DCBLD2: variants seen among roughly 807,000 people sequenced by gnomAD.
DCBLD2 encodes discoidin, CUB and LCCL domain-containing protein 2.
In DCBLD2, 54 loss-of-function variants were observed where a neutral mutation model predicts 86.8. The ratio of observed to expected loss-of-function variants is 0.62; its 90% CI spans 0.50 to 0.78. The LOEUF is 0.78. Ranked by LOEUF, DCBLD2 falls within the 30% of genes least tolerant of loss-of-function variation. DCBLD2 has a pLI of 0.00. For synonymous variants in DCBLD2, 354 were observed against 341.3 expected (o/e 1.04, Z -0.41); for missense variants, 908 against 954.2 (o/e 0.95, Z 0.64).
chr3:98,897,210 T>C (rs984475594), intron 1 of DCBLD2, among the ~76,000 whole-genome samples: 2 of 152,202 alleles, frequency 1.3e-5, no homozygotes, highest in Admixed American at 1.3e-4. Flanking sequence ...AAATAATATG[T>C]TCTTTTTGTT....
intron 3 of DCBLD2, among the ~76,000 whole-genome samples, chr3:98,834,970 C>CTT (rs778620627): frequency 2.1e-4 from 28 of 134,498 alleles, no homozygotes; most frequent in African/African-American, 3.7e-4. Context: ...CTTGCACATT[C>CTT]TTTTTTTTTT....
chr3:98,892,974 A>G (rs1399581385), intron 1 of DCBLD2, among the ~76,000 whole-genome samples: 9 of 152,148 alleles, frequency 5.9e-5, no homozygotes, highest in African/African-American at 2.2e-4. Flanking sequence ...CACAGAACTC[A>G]CATTAAGATT....
At chr3:98,877,101 T>C in intron 2 of DCBLD2, among the ~76,000 whole-genome samples, 1 of 152,202 alleles carries the variant, frequency 6.6e-6, no homozygotes, top group East Asian at 1.9e-4. Context: ...ATGTCACTTA[T>C]CTACCTTTTT....
chr3:98,856,130 C>T (rs1358022197), intron 2 of DCBLD2, among the ~76,000 whole-genome samples: 2 of 152,160 alleles, frequency 1.3e-5, no homozygotes, highest in African/African-American at 4.8e-5. Flanking sequence ...ATATACTCTT[C>T]ACTACTTAGG....
intron 2 of DCBLD2, among the ~76,000 whole-genome samples, chr3:98,877,778 A>C (rs1943396171): frequency 6.6e-6 from 1 of 152,192 alleles, no homozygotes; most frequent in Admixed American, 6.5e-5. Flanking sequence ...CAGGGCAATC[A>C]CAAGATAAAC....
intron 3 of DCBLD2, among the ~76,000 whole-genome samples, chr3:98,829,191 A>C (rs1383435196): frequency 2.6e-5 from 4 of 152,086 alleles, no homozygotes; most frequent in Admixed American, 1.3e-4. Flanking sequence ...TACGGGGTAC[A>C]TGTGTAGGTT....
At chr3:98,801,374 G>A in intron 14 of DCBLD2, 1 of 457,504 alleles carries the variant, frequency 2.2e-6, no homozygotes, top group Non-Finnish European at 3.9e-6. Flanking sequence ...AGAAGAAAAA[G>A]AACAGAGCTT....
intron 2 of DCBLD2, among the ~76,000 whole-genome samples, chr3:98,859,769 G>T (rs1036474431): frequency 3.3e-5 from 5 of 152,108 alleles, no homozygotes; most frequent in Non-Finnish European, 7.4e-5. Flanking sequence ...CCACAAAGAT[G>T]GGGAAAAAAC....
chr3:98,859,889 G>T (rs1049274635), intron 2 of DCBLD2, among the ~76,000 whole-genome samples: 2 of 152,238 alleles, frequency 1.3e-5, no homozygotes, highest in Non-Finnish European at 2.9e-5. Context: ...ACTTTGACGA[G>T]TTGAGAGAAG....
chr3:98,894,874 A>C (rs1359774869), intron 1 of DCBLD2, among the ~76,000 whole-genome samples: 1 of 152,094 alleles, frequency 6.6e-6, no homozygotes, highest in Non-Finnish European at 1.5e-5. Context: ...AAAATGAATA[A>C]AACTCTCTCC....
chr3:98,848,140 A>C (rs1369595197), intron 3 of DCBLD2, among the ~76,000 whole-genome samples: 2 of 152,040 alleles, frequency 1.3e-5, no homozygotes, highest in Non-Finnish European at 2.9e-5. Context: ...CCCTCCCAAA[A>C]GCCCCAGTGT....
intron 3 of DCBLD2, chr3:98,849,243 T>C (rs1335788568): frequency 3.6e-6 from 2 of 552,456 alleles, no homozygotes; most frequent in East Asian, 3.1e-5. Context: ...TTCAGCAGTA[T>C]TTCCTTTACT....
Position 98,799,604 on chromosome 3 carries a change from G to A in DCBLD2, c.2096C>T (p.Ser699Phe). The A allele has an allele frequency of 6.2e-7, 1 of 1,614,030 alleles. No individual in the cohort carries two copies. Among genetic ancestry groups the A allele is most frequent in the Non-Finnish European group, 8.5e-7 (1 of 1,179,896 alleles). The change falls in exon 16 of 16, where the codon TCC (serine) becomes TTC (phenylalanine). Residue 699 changes from serine (S) to phenylalanine (F), a missense_variant. Coordinates refer to ENST00000326840, the MANE Select transcript of DCBLD2 (RefSeq NM_080927.4). ...TTGGTTCCCCGTAGCCTTGAAAGTG[G>A]ATGTGGAGGGCTGACCAACTGAAGT... Reference protein sequence around the residue: ...PTTSVGQPSTSTFKATGNQPP... With the variant: ...PTTSVGQPSTFTFKATGNQPP...
intron 2 of DCBLD2, among the ~76,000 whole-genome samples, chr3:98,863,523 C>A (rs547546416): frequency 6.6e-6 from 1 of 152,118 alleles, no homozygotes; most frequent in Non-Finnish European, 1.5e-5. Context: ...AGATATAGAC[C>A]AATGGAACAG....
At chr3:98,839,113 C>CTTTCTTTCTT (rs1942557159) in intron 3 of DCBLD2, among the ~76,000 whole-genome samples, 1 of 105,052 alleles carries the variant, frequency 9.5e-6, no homozygotes, top group Non-Finnish European at 2.1e-5. Context: ...TTCTTTCTTT[C>CTTTCTTTCTT]TTTCTTTTTC....
intron 1 of DCBLD2, among the ~76,000 whole-genome samples, chr3:98,896,857 T>C (rs1559803852): frequency 6.6e-6 from 1 of 152,192 alleles, no homozygotes; most frequent in Non-Finnish European, 1.5e-5. Context: ...TTCCTCATCC[T>C]TCTACTGTTG....
intron 2 of DCBLD2, among the ~76,000 whole-genome samples, chr3:98,870,119 C>T (rs981506798): frequency 1.2e-4 from 17 of 146,854 alleles, no homozygotes; most frequent in East Asian, 1.9e-4. Flanking sequence ...TTTTTGTAGA[C>T]GGTGAGAGAT....
chr3:98,823,277 T>A (rs1206557071), intron 4 of DCBLD2, among the ~76,000 whole-genome samples: 1 of 152,234 alleles, frequency 6.6e-6, no homozygotes, highest in African/African-American at 2.4e-5. Context: ...TATTACATAC[T>A]GCCTTGATTA....
intron 1 of DCBLD2, among the ~76,000 whole-genome samples, chr3:98,889,816 C>T (rs35539438): frequency 0.053 from 8,083 of 152,056 alleles, 279 homozygotes; most frequent in Non-Finnish European, 0.07. Context: ...ATTTGCAAGA[C>T]AACTGATTTT....
Sources: allele counts gnomAD v4.1 joint callset (sites outside exome capture counted in the v4.1 genomes callset), GRCh38; gene constraint gnomAD v4.1.1; transcripts MANE v1.5; gene names NCBI Gene and HGNC (gene_info 2026-07-23, HGNC 2026-07-21).